The following KCTD8 variants were observed in gnomAD, a reference collection of about 807,000 sequenced individuals.
The protein encoded by KCTD8 is BTB/POZ domain-containing protein KCTD8.
KCTD8 carries 27 observed loss-of-function variants against 31.5 expected under a neutral mutation model. The observed-to-expected ratio is 0.86, with a 90% CI of 0.63 to 1.18. The LOEUF (loss-of-function observed/expected upper bound fraction) is 1.18. KCTD8 is among the 50% of genes most tolerant of loss of function. The pLI, the probability that KCTD8 is intolerant of heterozygous loss-of-function variation, is 0.00. For synonymous variants in KCTD8, 290 were observed against 280.0 expected, an observed-to-expected ratio of 1.04 and a Z score of -0.36; for missense variants, 658 against 647.7, an observed-to-expected ratio of 1.02 and a Z score of -0.17.
chr4:44,380,874 T>G (rs955777673), intron 1 of KCTD8, among the ~76,000 whole-genome samples: 17 of 152,010 alleles, frequency 1.1e-4, no homozygotes, highest in Non-Finnish European at 1.0e-4. Context: ...TTTTCACTCT[T>G]GTCCACAAAA....
chr4:44,398,814 A>C (rs1720574625), intron 1 of KCTD8, among the ~76,000 whole-genome samples: 1 of 152,104 alleles, frequency 6.6e-6, no homozygotes, highest in Admixed American at 6.6e-5. Flanking sequence ...TTTACTGAGC[A>C]CTCTATTTGT....
At chr4:44,273,817 T>C (rs4695705) in intron 1 of KCTD8, among the ~76,000 whole-genome samples, 18,067 of 151,940 alleles carry the variant, frequency 0.12, 1,322 homozygotes, top group East Asian at 0.24. Flanking sequence ...AACACTATAA[T>C]GATAATGTAC....
intron 1 of KCTD8, among the ~76,000 whole-genome samples, chr4:44,415,429 G>C (rs1301441565): frequency 6.6e-6 from 1 of 152,150 alleles, no homozygotes; most frequent in East Asian, 1.9e-4. Context: ...AGGGAACCTG[G>C]TGCTAATATC....
chr4:44,336,759 T>C (rs1048401201), intron 1 of KCTD8, among the ~76,000 whole-genome samples: 1 of 152,054 alleles, frequency 6.6e-6, no homozygotes, highest in African/African-American at 2.4e-5. Context: ...TAAAATATCC[T>C]GAATAATAAA....
At chr4:44,302,033 T>A (rs1215608667) in intron 1 of KCTD8, among the ~76,000 whole-genome samples, 1 of 152,146 alleles carries the variant, frequency 6.6e-6, no homozygotes, top group Non-Finnish European at 1.5e-5. Flanking sequence ...GTTGTAGATA[T>A]GTGGCGTTAT....
At chr4:44,348,154 T>C (rs1244868103) in intron 1 of KCTD8, among the ~76,000 whole-genome samples, 2 of 152,086 alleles carry the variant, frequency 1.3e-5, no homozygotes, top group Non-Finnish European at 2.9e-5. Flanking sequence ...AAAAAGAACA[T>C]GCAACTTTGC....
chr4:44,272,121 T>TATATATATATATATA, intron 1 of KCTD8, among the ~76,000 whole-genome samples: 1 of 142,546 alleles, frequency 7.0e-6, no homozygotes, highest in African/African-American at 2.7e-5. Context: ...TGGTATTATA[T>TATATATATATATATA]TATATATATA....
chr4:44,327,529 A>G lies in KCTD8; in HGVS notation c.961+120034T>C, dbSNP rs568940935. Among the ~76,000 whole-genome samples the G allele has an allele frequency of 2.6e-5, 4 of 151,972 alleles. No homozygotes were observed. In the East Asian group the frequency reaches 5.8e-4, roughly 22 times the overall value. The stretch of plus-strand genomic sequence containing the variant: ...TTTATAAATATTGGAACTGAGAGCA[A>G]TCCCAAAGGGTATATTGAAATAATC... On this transcript the variant is annotated intron_variant, in intron 1 of 1. Transcript: ENST00000360029.
chr4:44,197,792 C>A (rs911040587), intron 1 of KCTD8, among the ~76,000 whole-genome samples: 3 of 152,146 alleles, frequency 2.0e-5, no homozygotes, highest in African/African-American at 7.2e-5. Context: ...ACTATTATTC[C>A]AGCAATGGTT....
intron 1 of KCTD8, among the ~76,000 whole-genome samples, chr4:44,182,808 T>A (rs75049024): frequency 0.088 from 13,439 of 152,096 alleles, 1,052 homozygotes; most frequent in African/African-American, 0.21. Flanking sequence ...AATAAATAAA[T>A]AAAAACCTAC....
chr4:44,272,772 G>T (rs926367011), intron 1 of KCTD8, among the ~76,000 whole-genome samples: 1 of 151,988 alleles, frequency 6.6e-6, no homozygotes, highest in South Asian at 2.1e-4. Context: ...GACAGGGAGG[G>T]TCTCTGCTCT....
At chr4:44,256,323 T>G (rs1239111164) in intron 1 of KCTD8, among the ~76,000 whole-genome samples, 2 of 151,846 alleles carry the variant, frequency 1.3e-5, no homozygotes, top group African/African-American at 4.8e-5. Context: ...ACCCACAGAG[T>G]AGCAGACGCT....
chr4:44,195,090 C>T (rs1224674116), intron 1 of KCTD8, among the ~76,000 whole-genome samples: 1 of 151,470 alleles, frequency 6.6e-6, no homozygotes, highest in Non-Finnish European at 1.5e-5. Flanking sequence ...GTTGGTCAGG[C>T]TGATCTTGAA....
In KCTD8 at chr4:44,431,590, AC is replaced by A. The variant is rs1310875068; in HGVS notation, c.961+15972del. 9.9e-5 allele frequency among the ~76,000 whole-genome samples: 15 copies of A among 151,228 alleles called. No individual in the cohort carries two copies. In the South Asian group the frequency reaches 1.7e-3, roughly 17 times the overall value. ...AAATTTAATTTTAAAAACAACAACA[AC>A]AAAAAAAACCTTACTCTATGTCTTC... On this transcript the variant is annotated intron_variant, in intron 1 of 1. Transcript: ENST00000360029.
At chr4:44,401,464 A>G (rs1343447517) in intron 1 of KCTD8, among the ~76,000 whole-genome samples, 1 of 152,182 alleles carries the variant, frequency 6.6e-6, no homozygotes, top group African/African-American at 2.4e-5. Flanking sequence ...GAGAAAGTAC[A>G]GTTGGGAGAA....
At chr4:44,224,055 A>T (rs1417005496) in intron 1 of KCTD8, among the ~76,000 whole-genome samples, 1 of 152,154 alleles carries the variant, frequency 6.6e-6, no homozygotes, top group Non-Finnish European at 1.5e-5. Context: ...CTTCCTACAC[A>T]TCACTGCTAG....
intron 1 of KCTD8, among the ~76,000 whole-genome samples, chr4:44,200,946 CAACTTCAATA>C: frequency 6.6e-6 from 1 of 152,100 alleles, no homozygotes; most frequent in South Asian, 2.1e-4. Flanking sequence ...AACTGATAAA[CAACTTCAATA>C]AAGTTTCAGG....
At chr4:44,323,496 A>ACCC (rs1470162434) in intron 1 of KCTD8, among the ~76,000 whole-genome samples, 17 of 34,790 alleles carry the variant, frequency 4.9e-4, no homozygotes, top group Non-Finnish European at 6.6e-4. Context: ...CTCCATCCCC[A>ACCC]CCCACCCCCC....
At chr4:44,413,494 C>T (rs550887986) in intron 1 of KCTD8, among the ~76,000 whole-genome samples, 2 of 152,144 alleles carry the variant, frequency 1.3e-5, no homozygotes, top group African/African-American at 2.4e-5. Context: ...TAACAGTAGC[C>T]GCTAAGAGTT....
Sources: allele counts gnomAD v4.1 joint callset (sites outside exome capture counted in the v4.1 genomes callset), GRCh38; gene constraint gnomAD v4.1.1; transcripts MANE v1.5; gene names NCBI Gene and HGNC (gene_info 2026-07-23, HGNC 2026-07-21).